ZNF469: variants seen among roughly 807,000 people sequenced by gnomAD.
ZNF469 encodes the protein zinc finger protein 469.
ZNF469 carries 1 observed loss-of-function variant against 1.0 expected under a neutral mutation model. The observed-to-expected ratio is 1.00, with a 90% CI of 0.35 to 4.73. The LOEUF (loss-of-function observed/expected upper bound fraction) is 4.73. ZNF469 is among the 30% of genes most tolerant of loss of function. ZNF469 has a pLI of 0.16. For synonymous variants in ZNF469, 2,703 were observed against 2,363.4 expected, an observed-to-expected ratio of 1.14 and a Z score of -4.17; for missense variants, 6,100 against 5,356.3, an observed-to-expected ratio of 1.14 and a Z score of -4.33.
At position 88,431,577 on chromosome 16, in the gene ZNF469, C is replaced by CA. The variant is rs1368387219; in HGVS notation, c.4112dup (p.Pro1373AlafsTer10). On this transcript the variant is annotated frameshift_variant, in exon 3 of 3. Coordinates refer to ENST00000565624, the MANE Select transcript of ZNF469 (RefSeq NM_001367624.2). LOFTEE classifies it low-confidence loss of function (END_TRUNC). ...GAGACCCCTTGGGGGTTCCAGTTGC[C>CA]AAAAAGGGGCCTCAGCCCTACAGCA... 2 of 1,550,306 alleles carry CA rather than the reference C, an allele frequency of 1.3e-6. No individual in the cohort carries two copies. Among genetic ancestry groups the CA allele is most frequent in the African/African-American group, 2.7e-5 (2 of 73,056 alleles).
At chr16:88,107,720 T>C in the ZNF469 span, among the ~76,000 whole-genome samples, 2 of 152,264 alleles carry the variant, frequency 1.3e-5, no homozygotes, top group East Asian at 1.9e-4. Context: ...CCCTGGGACA[T>C]AGACGCGGAG....
rs1905595412 is a variant in ZNF469 at position 88,424,027 on chromosome 16, TCTC to T, written c.-191-777_-191-775del. Reference sequence around the variant, plus strand: ...ATCACGGAGACTGACAATTGGACAATCTCCTTCCAAAGTCAAACGCAGGTGCCC... The same window carrying T: ...ATCACGGAGACTGACAATTGGACAATCTTCCAAAGTCAAACGCAGGTGCCC... On this transcript the variant is annotated intron_variant, in intron 1 of 2. Coordinates refer to ENST00000565624, the MANE Select transcript of ZNF469 (RefSeq NM_001367624.2). This position sits in a 1 kb window ranked among gnomAD's most constrained non-coding sequence, Gnocchi z 4.3. 6.6e-6 allele frequency among the ~76,000 whole-genome samples: 1 copy of T among 152,196 alleles called. No homozygotes were observed. The highest frequency in any genetic ancestry group is 1.5e-5 in the Non-Finnish European group (1 of 68,036).
rs1597212248 is a variant in ZNF469, at chr16:88,435,038, G to A, written c.7568G>A (p.Cys2523Tyr). Reference sequence around the variant, plus strand: ...CCTCTAGAGCCCCTAGCCCAAAAGTGCCAGCCGCCCAGGAAGAAAAGCCAC... The same window carrying A: ...CCTCTAGAGCCCCTAGCCCAAAAGTACCAGCCGCCCAGGAAGAAAAGCCAC... ...QQPLEPLAQK[C>Y]QPPRKKSHRV... is the part of the protein sequence containing the mutation. Residue 2523 changes from cysteine (C) to tyrosine (Y), a missense_variant, in exon 3 of 3, where the codon TGC becomes TAC. Transcript: ENST00000565624. 4 of 1,550,164 alleles carry A rather than the reference G, an allele frequency of 2.6e-6. No individual in the cohort carries two copies. The East Asian group carries it at 7.3e-5, about 28-fold the overall frequency.
the ZNF469 span, among the ~76,000 whole-genome samples, chr16:88,196,122 G>A: frequency 2.0e-5 from 3 of 152,230 alleles, no homozygotes; most frequent in Admixed American, 1.3e-4. Context: ...CTTTCTGTGT[G>A]TAGGTGGCGA....
the ZNF469 span, among the ~76,000 whole-genome samples, chr16:88,361,538 C>T: frequency 6.6e-6 from 1 of 151,656 alleles, no homozygotes; most frequent in African/African-American, 2.4e-5. Context: ...TTGTGAAGGT[C>T]TCTTTAAATT....
At chr16:88,140,166 A>G in the ZNF469 span, among the ~76,000 whole-genome samples, 3 of 152,374 alleles carry the variant, frequency 2.0e-5, no homozygotes, top group Non-Finnish European at 1.5e-5. Context: ...TGGATTTGGC[A>G]TTGAAGTGGC....
chr16:88,246,072 C>T, the ZNF469 span, among the ~76,000 whole-genome samples: 4 of 152,398 alleles, frequency 2.6e-5, no homozygotes, highest in African/African-American at 9.6e-5. Context: ...TTCCCTCATG[C>T]AGCCATCAGC....
chr16:88,397,826 C>G (rs545498754), intron 1 of ZNF469, among the ~76,000 whole-genome samples: 2 of 152,316 alleles, frequency 1.3e-5, no homozygotes, highest in South Asian at 2.1e-4. Context: ...CTCTGACTCC[C>G]TGCATCCCAG....
intron 1 of ZNF469, among the ~76,000 whole-genome samples, chr16:88,411,302 C>T (rs973008819): frequency 6.6e-5 from 10 of 152,068 alleles, no homozygotes; most frequent in African/African-American, 2.2e-4. Context: ...GCTCAGACCC[C>T]AGCGAGCCAG....
At position 88,431,565 on chromosome 16, in the gene ZNF469, G is replaced by A. The variant is rs989809109; in HGVS notation, c.4095G>A (p.Gly1365=). The change falls in exon 3 of 3, where the codon GGG becomes GGA. Residue 1365 remains glycine (G), a synonymous_variant. Transcript: ENST00000565624. ...CTGGTTTTAACAGAGACCCCTTGGG[G>A]GTTCCAGTTGCCAAAAAGGGGCCTC... The part of the protein sequence containing the change: ...DPAGFNRDPL[G]VPVAKKGPQP... 1.8e-5 allele frequency: 28 copies of A among 1,550,330 alleles called. No individual in the cohort carries two copies. The East Asian group carries it at 5.1e-4, about 28-fold the overall frequency.
the ZNF469 span, among the ~76,000 whole-genome samples, chr16:88,226,656 T>C: frequency 4.9e-3 from 738 of 152,064 alleles, 7 homozygotes; most frequent in African/African-American, 0.017. Context: ...CCGATGGTGC[T>C]GGGTGATGCT....
chr16:88,433,659 GGA>G lies in ZNF469; in HGVS notation c.6191_6192del (p.Glu2064ValfsTer16). On this transcript the variant is annotated frameshift_variant, in exon 3 of 3. Transcript: ENST00000565624. LOFTEE classifies it low-confidence loss of function (END_TRUNC). ...PTPSPPSPNR[E>X]SLALALTAAH... is the part of the protein sequence containing the mutation. ...CCCCAAGCCCCCCGTCCCCTAATAG[GGA>G]GTCCCTGGCGCTGGCCTTGACAGCA... 1 of 1,550,136 alleles carries G rather than the reference GGA, an allele frequency of 6.5e-7. No individual in the cohort carries two copies. The highest frequency in any genetic ancestry group is 8.7e-7 in the Non-Finnish European group (1 of 1,146,890).
At chr16:88,361,830 C>T in the ZNF469 span, among the ~76,000 whole-genome samples, 8 of 152,214 alleles carry the variant, frequency 5.3e-5, no homozygotes, top group East Asian at 3.9e-4. Flanking sequence ...TAAGCATGAT[C>T]GGTTTAGCCT....
At chr16:88,165,643 C>A in the ZNF469 span, among the ~76,000 whole-genome samples, 2 of 152,198 alleles carry the variant, frequency 1.3e-5, no homozygotes, top group Non-Finnish European at 2.9e-5. Flanking sequence ...ATAAGACGTA[C>A]TATCTTAACC....
chr16:88,325,144 C>G, the ZNF469 span, among the ~76,000 whole-genome samples: 457 of 127,810 alleles, frequency 3.6e-3, 4 homozygotes, highest in South Asian at 0.036. Context: ...CCAGGTGGTC[C>G]CGACAGCAGC....
chr16:88,296,895 C>G, the ZNF469 span, among the ~76,000 whole-genome samples: 1 of 152,220 alleles, frequency 6.6e-6, no homozygotes, highest in Admixed American at 6.5e-5. Flanking sequence ...AAGGACAGCC[C>G]TGGTGCAGCA....
the ZNF469 span, among the ~76,000 whole-genome samples, chr16:88,367,099 C>T: frequency 2.0e-5 from 3 of 152,160 alleles, no homozygotes; most frequent in East Asian, 3.8e-4. Context: ...CCCCTTTTTG[C>T]GTCCCCTCAG....
At chr16:88,286,008 C>G in the ZNF469 span, among the ~76,000 whole-genome samples, 1 of 152,256 alleles carries the variant, frequency 6.6e-6, no homozygotes, top group Non-Finnish European at 1.5e-5. Context: ...GCATCGCCAT[C>G]TCCTTCCTTT....
the ZNF469 span, among the ~76,000 whole-genome samples, chr16:88,284,313 C>T: frequency 6.6e-6 from 1 of 152,194 alleles, no homozygotes; most frequent in African/African-American, 2.4e-5. Flanking sequence ...AGGCTGGGCA[C>T]AATGGCTCAC....
Sources: allele counts gnomAD v4.1 joint callset (sites outside exome capture counted in the v4.1 genomes callset), GRCh38; gene constraint gnomAD v4.1.1; non-coding constraint Gnocchi (gnomAD v3.1); transcripts MANE v1.5; gene names NCBI Gene and HGNC (gene_info 2026-07-23, HGNC 2026-07-21).